Variants in EXT1 observed in about 807,000 individuals in gnomAD.
The protein encoded by EXT1 is exostosin-1.
Under a neutral mutation model 82.5 loss-of-function variants are expected in EXT1, and 20 were observed. The ratio of observed to expected loss-of-function variants is 0.24; its 90% CI spans 0.17 to 0.35. The LOEUF (loss-of-function observed/expected upper bound fraction) is 0.35. Among genes scored for constraint, EXT1 ranks in the 10% least tolerant of loss-of-function variants. EXT1 has a pLI of 1.00. For synonymous variants in EXT1, 348 were observed against 350.8 expected (o/e 0.99, Z 0.09); for missense variants, 757 against 936.5 (o/e 0.81, Z 2.50).
chr8:117,947,469 G>C (rs1168978179), intron 1 of EXT1, among the ~76,000 whole-genome samples: 1 of 152,130 alleles, frequency 6.6e-6, no homozygotes, highest in Non-Finnish European at 1.5e-5. Flanking sequence ...ACCACAAATT[G>C]TCCTGAAAAA....
chr8:117,921,965 G>C (rs1813864341), intron 1 of EXT1, among the ~76,000 whole-genome samples: 1 of 128,634 alleles, frequency 7.8e-6, no homozygotes, highest in Non-Finnish European at 1.7e-5. Context: ...GCTTTATTCA[G>C]ATTTGTTTTC....
At chr8:117,896,521 C>T (rs1221875174) in intron 1 of EXT1, among the ~76,000 whole-genome samples, 1 of 152,110 alleles carries the variant, frequency 6.6e-6, no homozygotes, top group African/African-American at 2.4e-5. Flanking sequence ...AGGCCCAAGG[C>T]CATTAATCCT....
chr8:117,909,705 T>C (rs180900637), intron 1 of EXT1, among the ~76,000 whole-genome samples: 1 of 152,188 alleles, frequency 6.6e-6, no homozygotes. Flanking sequence ...TCATCATTCA[T>C]TGCCACCATT....
At chr8:118,002,547 T>G (rs1460665165) in intron 1 of EXT1, among the ~76,000 whole-genome samples, 15 of 93,974 alleles carry the variant, frequency 1.6e-4, no homozygotes, top group African/African-American at 7.5e-4. Flanking sequence ...TTTTTTTTTT[T>G]TTGAGACAGA....
intron 8 of EXT1, among the ~76,000 whole-genome samples, chr8:117,809,405 G>C (rs907734381): frequency 1.3e-5 from 2 of 151,546 alleles, no homozygotes; most frequent in African/African-American, 4.8e-5. Flanking sequence ...GGGAGGCTGA[G>C]GTGGGCGGAT....
At chr8:118,051,939 C>T (rs1816724852) in intron 1 of EXT1, among the ~76,000 whole-genome samples, 1 of 152,138 alleles carries the variant, frequency 6.6e-6, no homozygotes, top group African/African-American at 2.4e-5. Context: ...AGGGGGTTAC[C>T]ATACTGCACA....
At chr8:117,830,168 A>T (rs1587001367) in intron 4 of EXT1, 62 bp downstream of exon 4, 2 of 1,609,012 alleles carry the variant, frequency 1.2e-6, no homozygotes, top group Non-Finnish European at 1.7e-6. Flanking sequence ...GCAAAACAGA[A>T]GGCTGAGAGA....
intron 1 of EXT1, among the ~76,000 whole-genome samples, chr8:118,001,066 G>C (rs1815655182): frequency 6.6e-6 from 1 of 152,168 alleles, no homozygotes; most frequent in Non-Finnish European, 1.5e-5. Flanking sequence ...CCATTCCTGG[G>C]AGGTTCCTGA....
chr8:117,838,255 G>A (rs1376156176), intron 1 of EXT1, among the ~76,000 whole-genome samples: 1 of 152,160 alleles, frequency 6.6e-6, no homozygotes, highest in Admixed American at 6.6e-5. Context: ...AGTAGCATAT[G>A]TCACCACCAC....
chr8:118,032,125 C>G (rs17453889), intron 1 of EXT1, among the ~76,000 whole-genome samples: 1 of 43,428 alleles, frequency 2.3e-5, no homozygotes, highest in Non-Finnish European at 4.8e-5. Flanking sequence ...GGCCATTACT[C>G]AATGGCCAAA....
At chr8:117,961,657 T>G (rs946084719) in intron 1 of EXT1, among the ~76,000 whole-genome samples, 1 of 152,236 alleles carries the variant, frequency 6.6e-6, no homozygotes, top group South Asian at 2.1e-4. Flanking sequence ...TAAAGTGAGA[T>G]TCAGCTATAT....
intron 1 of EXT1, among the ~76,000 whole-genome samples, chr8:117,969,036 A>G (rs930673961): frequency 6.6e-6 from 1 of 152,332 alleles, no homozygotes; most frequent in Middle Eastern, 3.4e-3. Flanking sequence ...CAGAGGAGTT[A>G]CCATCTTTAT....
chr8:117,991,158 T>C (rs1282835543), intron 1 of EXT1, among the ~76,000 whole-genome samples: 1 of 151,788 alleles, frequency 6.6e-6, no homozygotes, highest in Non-Finnish European at 1.5e-5. Flanking sequence ...CCAGACTAGA[T>C]GGAGTACAGT....
rs115542331 is a variant in EXT1, at chr8:117,912,029, A to G, written c.963-74828T>C. Reference sequence around the variant, plus strand: ...AAAAGAGGAAAAGGAAGAAGAGTAGAAGAGAGAGAGAGGATAAGAGAGCTA... The same window carrying G: ...AAAAGAGGAAAAGGAAGAAGAGTAGGAGAGAGAGAGAGGATAAGAGAGCTA... On this transcript the variant is annotated intron_variant, in intron 1 of 10. Coordinates refer to ENST00000378204, the MANE Select transcript of EXT1 (RefSeq NM_000127.3). 4.9e-3 allele frequency among the ~76,000 whole-genome samples: 738 copies of G among 152,066 alleles called. 9 individuals carry two copies. Among genetic ancestry groups the G allele is most frequent in the African/African-American group, 0.016 (653 of 41,344 alleles).
At chr8:118,022,756 T>C (rs1224376459) in intron 1 of EXT1, among the ~76,000 whole-genome samples, 2 of 152,190 alleles carry the variant, frequency 1.3e-5, no homozygotes, top group Non-Finnish European at 2.9e-5. Context: ...GATTTATTAT[T>C]TTTCTGGAAT....
At chr8:117,802,827 T>G (rs757117316) in intron 10 of EXT1, among the ~76,000 whole-genome samples, 19 of 152,242 alleles carry the variant, frequency 1.2e-4, no homozygotes, top group Non-Finnish European at 2.5e-4. Context: ...CCAGACTCTT[T>G]GCTAAGGACA....
At chr8:117,938,690 C>T (rs1464336539) in intron 1 of EXT1, among the ~76,000 whole-genome samples, 2 of 152,126 alleles carry the variant, frequency 1.3e-5, no homozygotes, top group African/African-American at 2.4e-5. Context: ...TGAGGATGAG[C>T]AGTTATTTTT....
At position 117,891,546 on chromosome 8, in the gene EXT1, G is replaced by C. The variant is rs566973703; in HGVS notation, c.963-54345C>G. On this transcript the variant is annotated intron_variant, in intron 1 of 10. Transcript: ENST00000378204. The stretch of plus-strand genomic sequence containing the variant: ...CTTGAGTGAAAAAAAAATGCTCTAA[G>C]TCAGGAAGACAGAGTGGGTGTGATC... Among the ~76,000 whole-genome samples, 3 of 152,060 alleles carry C rather than the reference G, an allele frequency of 2.0e-5. No individual in the cohort carries two copies. The East Asian group carries it at 5.8e-4, about 29-fold the overall frequency.
chr8:118,009,870 A>C (rs912006900), intron 1 of EXT1, among the ~76,000 whole-genome samples: 2 of 152,118 alleles, frequency 1.3e-5, no homozygotes, highest in African/African-American at 4.8e-5. Context: ...TGGTGCCAAA[A>C]AGGTTGGGAA....
Sources: allele counts gnomAD v4.1 joint callset (sites outside exome capture counted in the v4.1 genomes callset), GRCh38; gene constraint gnomAD v4.1.1; transcripts MANE v1.5; gene names NCBI Gene and HGNC (gene_info 2026-07-23, HGNC 2026-07-21).